MIR2052HG: variants seen among roughly 807,000 people sequenced by gnomAD.
The protein encoded by MIR2052HG is MIR2052 host gene.
At chr8:74,657,139 CCTT>C (rs1808815480) in intron 2 of MIR2052HG, among the ~76,000 whole-genome samples, 1 of 152,276 alleles carries the variant, frequency 6.6e-6, no homozygotes, top group Middle Eastern at 3.4e-3. Context: ...TATGCTGCTG[CCTT>C]CTTCTCATCT....
intron 2 of MIR2052HG, among the ~76,000 whole-genome samples, chr8:74,644,533 G>A (rs1037914617): frequency 3.3e-5 from 5 of 152,076 alleles, no homozygotes; most frequent in South Asian, 2.1e-4. Context: ...TATCCGTTTC[G>A]TTAAGTGGTG....
intron 4 of MIR2052HG, among the ~76,000 whole-genome samples, chr8:74,717,482 T>C (rs1809532084): frequency 6.6e-6 from 1 of 152,132 alleles, no homozygotes; most frequent in African/African-American, 2.4e-5. Flanking sequence ...ATGGCAAAAA[T>C]CACAATTAAG....
chr8:74,741,080 G>A (rs924852381), intron 4 of MIR2052HG, among the ~76,000 whole-genome samples: 1 of 152,112 alleles, frequency 6.6e-6, no homozygotes, highest in Non-Finnish European at 1.5e-5. Flanking sequence ...ACATAATCTT[G>A]TTTCATGTGT....
intron 2 of MIR2052HG, among the ~76,000 whole-genome samples, chr8:74,617,487 G>A (rs995705716): frequency 1.4e-5 from 2 of 138,024 alleles, no homozygotes; most frequent in African/African-American, 2.7e-5. Context: ...GTGTGTGTGT[G>A]TATACATACA....
chr8:74,725,103 G>T (rs1809620366), intron 4 of MIR2052HG, among the ~76,000 whole-genome samples: 1 of 152,134 alleles, frequency 6.6e-6, no homozygotes, highest in Non-Finnish European at 1.5e-5. Flanking sequence ...GGAGAAGCTT[G>T]CTCAAACTCC....
At chr8:74,697,597 C>A (rs1474232691) in intron 2 of MIR2052HG, among the ~76,000 whole-genome samples, 1 of 152,090 alleles carries the variant, frequency 6.6e-6, no homozygotes, top group Non-Finnish European at 1.5e-5. Context: ...ATCTAAAAAG[C>A]TCCTGGAACT....
In MIR2052HG at chr8:74,724,396, T is replaced by C. The variant is rs868057521; in HGVS notation, n.371+20714T>C. Among the ~76,000 whole-genome samples, 5 of 152,330 alleles carry C rather than the reference T, an allele frequency of 3.3e-5. 1 individual carries two copies. In the South Asian group the frequency reaches 1.0e-3, roughly 32 times the overall value. On this transcript the variant is annotated intron_variant and non_coding_transcript_variant, in intron 4 of 6. Coordinates refer to ENST00000523442, the Ensembl canonical transcript of MIR2052HG. Reference sequence around the variant, plus strand: ...GTGACCCTCTAAGTGCCTCCTGCTATGGTATTTCTGCTTCTGCTTTGCCAG... The same window carrying C: ...GTGACCCTCTAAGTGCCTCCTGCTACGGTATTTCTGCTTCTGCTTTGCCAG...
chr8:74,739,342 A>G (rs1488176620), intron 4 of MIR2052HG, among the ~76,000 whole-genome samples: 1 of 152,158 alleles, frequency 6.6e-6, no homozygotes, highest in African/African-American at 2.4e-5. Flanking sequence ...CTTGCCAGTG[A>G]TGTGGAATTC....
At chr8:74,621,064 T>G (rs1808355017) in intron 2 of MIR2052HG, among the ~76,000 whole-genome samples, 1 of 152,216 alleles carries the variant, frequency 6.6e-6, no homozygotes, top group Non-Finnish European at 1.5e-5. Flanking sequence ...AAGGGTGACC[T>G]TTACTGCAGT....
At chr8:74,624,193 G>T (rs1416058358) in intron 2 of MIR2052HG, among the ~76,000 whole-genome samples, 1 of 152,172 alleles carries the variant, frequency 6.6e-6, no homozygotes, top group Non-Finnish European at 1.5e-5. Flanking sequence ...ACAAACTGTT[G>T]TATAGCTTTT....
intron 4 of MIR2052HG, among the ~76,000 whole-genome samples, chr8:74,732,015 T>A (rs1563541931): frequency 1.3e-5 from 2 of 152,166 alleles, no homozygotes; most frequent in Non-Finnish European, 2.9e-5. Flanking sequence ...ACAATTTTTT[T>A]AAAGCTGAAT....
chr8:74,675,473 A>T (rs2128738519), intron 2 of MIR2052HG, among the ~76,000 whole-genome samples: 1 of 152,170 alleles, frequency 6.6e-6, no homozygotes. Context: ...CTGCCATCTT[A>T]TGTAAGATAT....
rs943181922 is a variant in MIR2052HG at position 74,636,229 on chromosome 8, T to A, written n.216+23289T>A. 2.6e-5 allele frequency among the ~76,000 whole-genome samples: 4 copies of A among 152,194 alleles called. No individual in the cohort carries two copies. The East Asian group carries it at 7.7e-4, about 29-fold the overall frequency. ...GTTCAGAAGTTGACCTGTTCTTTAC[T>A]TACCTTTCTGTAGACTTTACCTTGT... On this transcript the variant is annotated intron_variant and non_coding_transcript_variant, in intron 2 of 6. Coordinates refer to ENST00000523442, the Ensembl canonical transcript of MIR2052HG.
intron 2 of MIR2052HG, chr8:74,625,192 A>C (rs1458191169): frequency 6.6e-6 from 1 of 152,036 alleles, no homozygotes; most frequent in Non-Finnish European, 1.5e-5. Context: ...CTAAATAGCA[A>C]GGACTACAGG....
chr8:74,690,799 C>G (rs1415920859), intron 2 of MIR2052HG, among the ~76,000 whole-genome samples: 1 of 151,906 alleles, frequency 6.6e-6, no homozygotes, highest in Non-Finnish European at 1.5e-5. Flanking sequence ...ACTTCAACAT[C>G]GAAGGCAATA....
At chr8:74,628,188 G>A (rs1486671580) in intron 2 of MIR2052HG, among the ~76,000 whole-genome samples, 2 of 152,164 alleles carry the variant, frequency 1.3e-5, no homozygotes, top group Non-Finnish European at 2.9e-5. Context: ...GGATTGGTGA[G>A]AGATGCAGAG....
rs192760446 is a variant in MIR2052HG at position 74,615,717 on chromosome 8, C to T, written n.216+2777C>T. Among the ~76,000 whole-genome samples the T allele has an allele frequency of 7.8e-4, 119 of 151,962 alleles. 1 individual carries two copies. Among genetic ancestry groups the T allele is most frequent in the African/African-American group, 2.7e-3 (111 of 41,438 alleles). ...TGTTGGTGTGCTGCACCCATTAACT[C>T]GTCATTTAACATTAGGTATATCCCC... On this transcript the variant is annotated intron_variant and non_coding_transcript_variant, in intron 2 of 6. Transcript: ENST00000523442.
chr8:74,712,700 C>CTT (rs34899536), intron 4 of MIR2052HG, among the ~76,000 whole-genome samples: 5,176 of 143,450 alleles, frequency 0.036, 229 homozygotes, highest in African/African-American at 0.11. Context: ...CTTTTTCTGC[C>CTT]TTTTTTTTTT....
At chr8:74,690,681 T>A (rs868323076) in intron 2 of MIR2052HG, among the ~76,000 whole-genome samples, 24 of 151,586 alleles carry the variant, frequency 1.6e-4, no homozygotes, top group African/African-American at 4.1e-4. Flanking sequence ...AAATAAAAAT[T>A]AAAAAATTAA....
Sources: allele counts gnomAD v4.1 joint callset (sites outside exome capture counted in the v4.1 genomes callset), GRCh38; gene constraint gnomAD v4.1.1; transcripts MANE v1.5; gene names NCBI Gene and HGNC (gene_info 2026-07-23, HGNC 2026-07-21).